Variants in GART observed in about 807,000 individuals in gnomAD.
The protein encoded by GART is phosphoribosylglycinamide formyltransferase, phosphoribosylglycinamide synthetase, phosphoribosylaminoimidazole synthetase.
GART carries 43 observed loss-of-function variants against 107.2 expected under a neutral mutation model. That is an observed-to-expected ratio of 0.40 (90% CI 0.31 to 0.52). The LOEUF (loss-of-function observed/expected upper bound fraction) is 0.52. Among genes scored for constraint, GART ranks in the 20% least tolerant of loss-of-function variants. GART has a pLI of 0.52. For missense variants in GART, 1,107 were observed against 1,206.5 expected, an observed-to-expected ratio of 0.92 and a Z score of 1.22; for synonymous variants, 434 against 427.0, an observed-to-expected ratio of 1.02 and a Z score of -0.20.
Position 33,517,118 on chromosome 21 carries a change from T to G in GART, c.1978A>C (p.Arg660=). 6.2e-7 allele frequency: 1 copy of G among 1,611,386 alleles called. No individual in the cohort carries two copies. Among genetic ancestry groups the G allele is most frequent in the Middle Eastern group, 1.7e-4 (1 of 6,046 alleles). ...TLGDLLLTPT[R]IYSHSLLPVL... ...GGTAACAGTGAATGGCTGTAGATTC[T>G]GGTAGGCGTGAGAAGTAAGTCCCCT... Residue 660 remains arginine (R), a synonymous_variant, in exon 16 of 22, where the codon AGA becomes CGA. Transcript: ENST00000381815.
At chr21:33,531,302 G>A (rs990424875) in intron 6 of GART, 187 bp downstream of exon 6, 19 of 607,234 alleles carry the variant, frequency 3.1e-5, no homozygotes, top group Middle Eastern at 3.1e-4. Context: ...CACTAGGGAT[G>A]ACTAACAGAG....
At chr21:33,521,356 G>C (rs1194418376) in intron 12 of GART, among the ~76,000 whole-genome samples, 1 of 152,132 alleles carries the variant, frequency 6.6e-6, no homozygotes, top group African/African-American at 2.4e-5. Flanking sequence ...TTAAGGCTGG[G>C]CGTGGTGGCT....
intron 21 of GART, 41 bp from the exon 22 acceptor site, chr21:33,504,356 C>T: frequency 1.2e-6 from 2 of 1,610,772 alleles, no homozygotes; most frequent in South Asian, 1.1e-5. Context: ...ACCTTCTAGC[C>T]AGTGTCATTT....
rs771417116 is a variant in GART, at chr21:33,532,389, T to C, written c.484A>G (p.Lys162Glu). ...LAAGKGVIVA[K>E]SKEEACKAVQ... is the part of the protein sequence containing the mutation. ...GCTTTGCAGGCCTCTTCTTTGCTCTTTGCAACAATCACCCCTTTTCCAGCT... is the reference window on the plus strand; with the variant it reads ...GCTTTGCAGGCCTCTTCTTTGCTCTCTGCAACAATCACCCCTTTTCCAGCT... The change falls in exon 5 of 22, where the codon AAG becomes GAG. Residue 162 changes from lysine to glutamate, a missense_variant. By Grantham distance (56) the Lys-to-Glu change is moderately conservative (BLOSUM62 1). Transcript: ENST00000381815. 1.2e-6 allele frequency: 2 copies of C among 1,614,114 alleles called. No individual in the cohort carries two copies. Among genetic ancestry groups the C allele is most frequent in the Admixed American group, 3.3e-5 (2 of 60,022 alleles).
At chr21:33,532,742 A>G (rs1176943516) in intron 4 of GART, among the ~76,000 whole-genome samples, 3 of 152,230 alleles carry the variant, frequency 2.0e-5, no homozygotes, top group Non-Finnish European at 4.4e-5. Context: ...TAGAGTAGAT[A>G]TGGCATAATC....
chr21:33,512,376 G>A (rs547616114), intron 16 of GART, among the ~76,000 whole-genome samples: 1 of 150,498 alleles, frequency 6.6e-6, no homozygotes, highest in African/African-American at 2.4e-5. Flanking sequence ...TTAGGTAAAG[G>A]TCTATATACA....
Position 33,530,853 on chromosome 21 carries a change from G to T in GART, c.629C>A (p.Ala210Asp). ...ATGGTCCTGTGCTGGGGGCATGGGGGCCACAGTCTTGCCATCAGTGAAACA... is the reference window on the plus strand; with the variant it reads ...ATGGTCCTGTGCTGGGGGCATGGGGTCCACAGTCTTGCCATCAGTGAAACA... ...CLCFTDGKTV[A>D]PMPPAQDHKR... is the part of the protein sequence containing the mutation. The change falls in exon 7 of 22, where the codon GCC becomes GAC. Residue 210 changes from alanine (A) to aspartate (D), a missense_variant. By Grantham distance (126) the Ala-to-Asp change is moderately radical. Coordinates refer to ENST00000381815, the MANE Select transcript of GART (RefSeq NM_000819.5). 6.5e-7 allele frequency: 1 copy of T among 1,527,640 alleles called. No individual in the cohort carries two copies. Among genetic ancestry groups the T allele is most frequent in the Non-Finnish European group, 8.7e-7 (1 of 1,148,692 alleles). 94.6% of individuals were successfully genotyped at this position (1,527,640 alleles called of 1,614,324 possible). A position where few individuals can be genotyped will look rare whatever the true frequency, so the allele number is the denominator to read the frequency against.
chr21:33,534,120 T>C (rs1039615933), intron 4 of GART, among the ~76,000 whole-genome samples: 38 of 152,312 alleles, frequency 2.5e-4, no homozygotes, highest in Non-Finnish European at 3.5e-4. Context: ...CCACATAATA[T>C]TTATTGAGAA....
intron 4 of GART, among the ~76,000 whole-genome samples, chr21:33,532,705 A>T (rs901357606): frequency 6.6e-6 from 1 of 152,206 alleles, no homozygotes; most frequent in Non-Finnish European, 1.5e-5. Flanking sequence ...TACATAGGCA[A>T]TATCTTTGGA....
upstream of GART, chr21:33,542,283 A>G (rs1347950885): frequency 6.6e-6 from 1 of 152,254 alleles, no homozygotes; most frequent in Non-Finnish European, 1.5e-5. Flanking sequence ...CGAGACACCC[A>G]AGCCTTAGCA....
chr21:33,504,668 T>C, intron 20 of GART, 141 bp from the exon 21 acceptor site: 2 of 654,952 alleles, frequency 3.1e-6, no homozygotes, highest in Non-Finnish European at 5.2e-6. Context: ...AACACAGAAA[T>C]GAGGTAAAAG....
At chr21:33,531,466 G>T (rs371999971) in intron 6 of GART, 23 bp downstream of exon 6, 211 of 1,605,808 alleles carry the variant, frequency 1.3e-4, no homozygotes, top group Non-Finnish European at 1.6e-4. Context: ...CACTACAAAA[G>T]CCAAAAAGAT....
At chr21:33,522,064 A>T (rs1022477517) in intron 12 of GART, 124 bp downstream of exon 12, 2 of 669,302 alleles carry the variant, frequency 3.0e-6, no homozygotes, top group African/African-American at 3.6e-5. Context: ...GGTTTGGCTT[A>T]AGCAGGGCAA....
At chr21:33,533,165 C>T (rs1423313775) in intron 4 of GART, among the ~76,000 whole-genome samples, 11 of 152,208 alleles carry the variant, frequency 7.2e-5, no homozygotes, top group Admixed American at 6.5e-4. Context: ...AGTGGCCAGG[C>T]GCGGTGGCTC....
chr21:33,530,100 G>A (rs1182340400), intron 7 of GART, among the ~76,000 whole-genome samples: 1 of 152,174 alleles, frequency 6.6e-6, no homozygotes, highest in Non-Finnish European at 1.5e-5. Context: ...GCTGAGGCAG[G>A]AGAATCACTT....
At chr21:33,509,687 G>C (rs1048753210) in intron 18 of GART, 96 bp downstream of exon 18, 2 of 1,291,714 alleles carry the variant, frequency 1.5e-6, no homozygotes, top group Non-Finnish European at 2.2e-6. Context: ...CCAGTCCCTA[G>C]ACTCTGCCGA....
chr21:33,529,588 G>C (rs936691563), intron 7 of GART: 14 of 152,152 alleles, frequency 9.2e-5, no homozygotes, highest in African/African-American at 3.1e-4. Context: ...AAGTAGCTGG[G>C]ACTGGGACTA....
chr21:33,531,490 G>T lies in GART; in HGVS notation c.596C>A (p.Ser199Ter). The change falls in exon 6 of 22, where the codon TCG becomes TAG. Residue 199 changes from serine to a stop codon, truncating the protein, a stop_gained and splice_region_variant. Transcript: ENST00000381815. LOFTEE classifies it high-confidence loss of function. Reference protein sequence around the residue: ...IEELLDGEEVSCLCFTDGKTV... With the variant: ...IEELLDGEEV ...AGCCAAAAAGATGAATATACATACCGACACCTCTTCTCCGTCAAGAAGTTC... is the reference window on the plus strand; with the variant it reads ...AGCCAAAAAGATGAATATACATACCTACACCTCTTCTCCGTCAAGAAGTTC... 6.2e-7 allele frequency: 1 copy of T among 1,611,834 alleles called. No homozygotes were observed. Among genetic ancestry groups the T allele is most frequent in the Non-Finnish European group, 8.5e-7 (1 of 1,179,086 alleles).
chr21:33,517,640 G>C (rs373456316), intron 14 of GART, 32 bp from the exon 15 acceptor site: 2 of 1,611,166 alleles, frequency 1.2e-6, no homozygotes, highest in Non-Finnish European at 1.7e-6. Context: ...AAAGAAATCA[G>C]AGTATTTATA....
Sources: allele counts gnomAD v4.1 joint callset (sites outside exome capture counted in the v4.1 genomes callset), GRCh38; gene constraint gnomAD v4.1.1; transcripts MANE v1.5; gene names NCBI Gene and HGNC (gene_info 2026-07-23, HGNC 2026-07-21).